Variants in RAB44 observed in about 807,000 individuals in gnomAD.
RAB44 encodes the protein RAB44, member RAS oncogene family.
Under a neutral mutation model 93.3 loss-of-function variants are expected in RAB44, and 67 were observed. The observed-to-expected ratio is 0.72, with a 90% CI of 0.59 to 0.88. RAB44 has a LOEUF of 0.88. RAB44 is among the 40% of genes least tolerant of loss of function. The pLI is 0.00. For missense variants in RAB44, 1,064 were observed against 1,261.7 expected (o/e 0.84, Z 2.37); for synonymous variants, 427 against 520.3 (o/e 0.82, Z 2.44).
chr6:36,718,020 C>T lies in RAB44; in HGVS notation c.642-8C>T, dbSNP rs1448970928. 3 of 1,231,816 alleles carry T rather than the reference C, an allele frequency of 2.4e-6. No homozygotes were observed. Among genetic ancestry groups the T allele is most frequent in the Non-Finnish European group, 1.0e-6 (1 of 987,850 alleles). The allele number at this position is 1,231,816 out of a possible 1,614,324, so 76.3% of individuals were successfully genotyped here. On this transcript the variant is annotated splice_polypyrimidine_tract_variant and splice_region_variant and intron_variant, in intron 5 of 13. Transcript: ENST00000612677. Reference sequence around the variant, plus strand: ...GGGCTGCCTGGCCCCAACTCCTGCTCCTCCCAGGCGTGACTCTGACCACCA... The same window carrying T: ...GGGCTGCCTGGCCCCAACTCCTGCTTCTCCCAGGCGTGACTCTGACCACCA...
At chr6:36,728,874 C>A in intron 12 of RAB44, 73 bp downstream of exon 12, 2 of 1,240,590 alleles carry the variant, frequency 1.6e-6, no homozygotes, top group Non-Finnish European at 2.3e-6. Flanking sequence ...GGTGGATAGG[C>A]ATCACCTGAC....
chr6:36,728,859 C>A, intron 12 of RAB44, 58 bp downstream of exon 12: 1 of 1,387,674 alleles, frequency 7.2e-7, no homozygotes, highest in Non-Finnish European at 1.0e-6. Flanking sequence ...ACCTCCCTGG[C>A]AGGTGGTGGA....
intron 2 of RAB44, among the ~76,000 whole-genome samples, chr6:36,712,546 G>A (rs1263383221): frequency 6.6e-6 from 1 of 151,970 alleles, no homozygotes; most frequent in Non-Finnish European, 1.5e-5. Flanking sequence ...TGTATTTTTA[G>A]TAGAGACGGA....
intron 2 of RAB44, among the ~76,000 whole-genome samples, chr6:36,705,798 T>A (rs1291683613): frequency 6.6e-6 from 1 of 151,940 alleles, no homozygotes; most frequent in Non-Finnish European, 1.5e-5. Context: ...TAAATGTGAG[T>A]CTCTGAATTT....
At chr6:36,701,013 C>T (rs1269461466) in intron 1 of RAB44, among the ~76,000 whole-genome samples, 2 of 152,184 alleles carry the variant, frequency 1.3e-5, no homozygotes, top group African/African-American at 4.8e-5. Context: ...TGAGAGATAC[C>T]GCGTGAAGGC....
In RAB44 at chr6:36,702,422, T is replaced by C. The variant is rs576134234; in HGVS notation, c.-12-1802T>C. Among the ~76,000 whole-genome samples, 8 of 151,966 alleles carry C rather than the reference T, an allele frequency of 5.3e-5. No homozygotes were observed. The South Asian group carries it at 1.2e-3, about 24-fold the overall frequency. The stretch of plus-strand genomic sequence containing the variant: ...TCTGTGCAACCTGTGCCGTTCCCCT[T>C]GGGAAGCTTGCCCAAGGGGAGGCCG... On this transcript the variant is annotated intron_variant, in intron 1 of 13. Coordinates refer to ENST00000612677, the MANE Select transcript of RAB44 (RefSeq NM_001257357.2).
intron 3 of RAB44, among the ~76,000 whole-genome samples, chr6:36,714,893 C>T (rs563550920): frequency 7.9e-5 from 12 of 152,312 alleles, no homozygotes; most frequent in African/African-American, 2.9e-4. Context: ...AGCCTGGCTC[C>T]TGCCTCAGGG....
intron 1 of RAB44, among the ~76,000 whole-genome samples, chr6:36,699,250 G>A (rs1454717238): frequency 6.6e-6 from 1 of 152,138 alleles, no homozygotes; most frequent in Non-Finnish European, 1.5e-5. Context: ...AATGCCAGGG[G>A]ACTGCTGGAA....
chr6:36,715,484 A>G lies in RAB44; in HGVS notation c.325A>G (p.Ile109Val), dbSNP rs751873660. Reference sequence around the variant, plus strand: ...TGTCCACTTCTGTCCCACAGAAAACATCTTTGGCTCCAGCCAGAGCCCCCA... The same window carrying G: ...TGTCCACTTCTGTCCCACAGAAAACGTCTTTGGCTCCAGCCAGAGCCCCCA... Reference protein sequence around the residue: ...LEEFSSGLKNIFGSSQSPHRL... With the variant: ...LEEFSSGLKNVFGSSQSPHRL... The change falls in exon 4 of 14, where the codon ATC becomes GTC. Residue 109 changes from isoleucine (I) to valine (V), a missense_variant. Ile to Val is a conservative substitution (Grantham distance 29). Coordinates refer to ENST00000612677, the MANE Select transcript of RAB44 (RefSeq NM_001257357.2). 1 of 1,536,102 alleles carries G rather than the reference A, an allele frequency of 6.5e-7. No homozygotes were observed. Among genetic ancestry groups the G allele is most frequent in the South Asian group, 1.2e-5 (1 of 84,058 alleles).
chr6:36,698,299 C>T (rs975748626), intron 1 of RAB44, among the ~76,000 whole-genome samples: 2 of 152,182 alleles, frequency 1.3e-5, no homozygotes, highest in Non-Finnish European at 2.9e-5. Context: ...GCTATTGAAG[C>T]CAGCCAAGTG....
chr6:36,722,315 T>C lies in RAB44; in HGVS notation c.2181T>C (p.Ala727=), dbSNP rs570074522. 3.0e-6 allele frequency: 4 copies of C among 1,327,462 alleles called. No individual in the cohort carries two copies. In the East Asian group the frequency reaches 1.1e-4, roughly 37 times the overall value. The allele number at this position is 1,327,462 out of a possible 1,614,324, so 82.2% of individuals were successfully genotyped here. Residue 727 remains alanine, a synonymous_variant, in exon 9 of 14, where the codon GCT becomes GCC. Transcript: ENST00000612677. ...LVSLPSATPQ[A]QVEAEGPTPG... is the part of the protein sequence containing the mutation. ...CTCTCCCATCTGCCACACCACAGGC[T>C]CAGGTGGAAGCAGAAGGCCCCACTC...
At position 36,728,807 on chromosome 6, in the gene RAB44, C is replaced by T; in HGVS notation, c.2898+6C>T. The T allele has an allele frequency of 6.5e-7, 1 of 1,547,660 alleles. No individual in the cohort carries two copies. The highest frequency in any genetic ancestry group is 8.7e-7 in the Non-Finnish European group (1 of 1,144,334). On this transcript the variant is annotated splice_donor_region_variant and intron_variant, in intron 12 of 13. Transcript: ENST00000612677. ...CTGGGCAGCAACTGGCCCAGGTAAG[C>T]ACTTGGGCATCAGCCCGTCTCTGTG...
At chr6:36,722,800 G>A in intron 9 of RAB44, 67 bp downstream of exon 9, 1 of 1,532,796 alleles carries the variant, frequency 6.5e-7, no homozygotes. Context: ...ACGAGTGAGA[G>A]CGGGCCCAGA....
At chr6:36,716,241 G>A (rs936421121) in intron 4 of RAB44, among the ~76,000 whole-genome samples, 5 of 151,786 alleles carry the variant, frequency 3.3e-5, no homozygotes, top group African/African-American at 9.7e-5. Context: ...AGGCTGAGGC[G>A]GGTGGATCAC....
At position 36,732,147 on chromosome 6, in the gene RAB44, G is replaced by T; in HGVS notation, c.*54G>T. The T allele has an allele frequency of 8.9e-7, 1 of 1,127,886 alleles. No individual in the cohort carries two copies. Among genetic ancestry groups the T allele is most frequent in the Non-Finnish European group, 1.1e-6 (1 of 891,120 alleles). 69.9% of individuals were successfully genotyped at this position (1,127,886 alleles called of 1,614,324 possible). A position where few individuals can be genotyped will look rare whatever the true frequency, so the allele number is the denominator to read the frequency against. ...CACCCATGGGGTTTCCTGTCCCTCA[G>T]CTCCTGTCCTTTGTTCCTGGACAGC... is the stretch of plus-strand genomic sequence containing the variant. On this transcript the variant is annotated 3_prime_UTR_variant, in exon 14 of 14. Transcript: ENST00000612677.
chr6:36,726,464 C>G (rs950491560), intron 10 of RAB44, among the ~76,000 whole-genome samples: 1 of 152,030 alleles, frequency 6.6e-6, no homozygotes, highest in Non-Finnish European at 1.5e-5. Context: ...AGGCTGGTCT[C>G]GAACTCCTGA....
chr6:36,702,966 A>G (rs1428312199), intron 1 of RAB44, among the ~76,000 whole-genome samples: 2 of 152,232 alleles, frequency 1.3e-5, no homozygotes, highest in Non-Finnish European at 2.9e-5. Flanking sequence ...CTAGATAAAC[A>G]GTGATATCCA....
In RAB44 at chr6:36,718,077, G is replaced by GAGCAGCAGATCCGCCAGGAGA. The variant is rs1762970417; in HGVS notation, c.700_720dup (p.Ile234_Gln240dup). On this transcript the variant is annotated inframe_insertion, in exon 6 of 14. Transcript: ENST00000612677. ...GGTCCAGCAGCTCTATGAGGAGATG[G>GAGCAGCAGATCCGCCAGGAGA]AGCAGCAGATCCGCCAGGAGAAGCA... The GAGCAGCAGATCCGCCAGGAGA allele has an allele frequency of 8.1e-7, 1 of 1,232,312 alleles. No homozygotes were observed. The highest frequency in any genetic ancestry group is 1.0e-6 in the Non-Finnish European group (1 of 988,126). 76.3% of individuals were successfully genotyped at this position (1,232,312 alleles called of 1,614,324 possible).
At chr6:36,715,746 C>T (rs886556277) in intron 4 of RAB44, 93 bp downstream of exon 4, 49 of 1,344,834 alleles carry the variant, frequency 3.6e-5, no homozygotes, top group Middle Eastern at 2.5e-4. Flanking sequence ...AGGGGGCAGG[C>T]GCCAGGTAGA....
Sources: allele counts gnomAD v4.1 joint callset (sites outside exome capture counted in the v4.1 genomes callset), GRCh38; gene constraint gnomAD v4.1.1; transcripts MANE v1.5; gene names NCBI Gene and HGNC (gene_info 2026-07-23, HGNC 2026-07-21).